PIGN: variants seen among roughly 807,000 people sequenced by gnomAD.
PIGN encodes the protein phosphatidylinositol glycan anchor biosynthesis class N.
Under a neutral mutation model 125.4 loss-of-function variants are expected in PIGN, and 117 were observed. That is an observed-to-expected ratio of 0.93 (90% CI 0.80 to 1.09). The LOEUF (loss-of-function observed/expected upper bound fraction) is 1.09. Among genes scored for constraint, PIGN ranks in the 50% least tolerant of loss-of-function variants. PIGN has a pLI of 0.00. For synonymous variants in PIGN, 392 were observed against 377.8 expected, an observed-to-expected ratio of 1.04 and a Z score of -0.44; for missense variants, 1,075 against 1,094.9, an observed-to-expected ratio of 0.98 and a Z score of 0.26.
intron 30 of PIGN, among the ~76,000 whole-genome samples, chr18:62,050,768 T>C (rs373929627): frequency 2.1e-4 from 32 of 151,962 alleles, no homozygotes; most frequent in African/African-American, 6.5e-4. Flanking sequence ...AGGGCATCCC[T>C]GTCTTGTGTC....
chr18:62,108,282 C>A (rs1214667293), intron 17 of PIGN, among the ~76,000 whole-genome samples: 1 of 152,038 alleles, frequency 6.6e-6, no homozygotes, highest in Non-Finnish European at 1.5e-5. Flanking sequence ...AGATAGGACA[C>A]AACATACTTT....
At chr18:62,023,808 T>G in intron 23 of PIGN, among the ~76,000 whole-genome samples, 1 of 152,216 alleles carries the variant, frequency 6.6e-6, no homozygotes, top group East Asian at 1.9e-4. Context: ...GACCAGTCAC[T>G]GATAGACTGA....
chr18:62,090,506 T>C lies in PIGN; in HGVS notation c.2253A>G (p.Leu751=), dbSNP rs748702038. 1.9e-6 allele frequency: 3 copies of C among 1,609,668 alleles called. No individual in the cohort carries two copies. Among genetic ancestry groups the C allele is most frequent in the Admixed American group, 3.4e-5 (2 of 59,550 alleles). Residue 751 remains leucine, a synonymous_variant, in exon 24 of 31, where the codon CTA becomes CTG. Transcript: ENST00000640252. Reference sequence around the variant, plus strand: ...GTTTACAGCAAACACCAGATTGTTGTAGAGTTTCTTGTTCTATGTTTATCC... The same window carrying C: ...GTTTACAGCAAACACCAGATTGTTGCAGAGTTTCTTGTTCTATGTTTATCC... ...FVWINIEQET[L]QQSGVCCKQK...
chr18:62,125,153 TAC>T (rs1298560566), intron 14 of PIGN, among the ~76,000 whole-genome samples: 1 of 113,726 alleles, frequency 8.8e-6, no homozygotes, highest in Admixed American at 8.6e-5. Context: ...TATGTGTATA[TAC>T]ATGTTTGTAC....
At chr18:62,083,187 G>A (rs533706690) in intron 27 of PIGN, among the ~76,000 whole-genome samples, 2 of 151,914 alleles carry the variant, frequency 1.3e-5, no homozygotes, top group South Asian at 4.1e-4. Flanking sequence ...ACATGATTCA[G>A]CTTCTTAATC....
At chr18:62,096,511 A>ATTTTTTT (rs2034196258) in intron 22 of PIGN, among the ~76,000 whole-genome samples, 1 of 44,044 alleles carries the variant, frequency 2.3e-5, no homozygotes, top group African/African-American at 1.2e-4. Context: ...AAAATGAATT[A>ATTTTTTT]TTTTCTTTTT....
At chr18:62,139,113 G>T in intron 12 of PIGN, 38 bp from the exon 13 acceptor site, 1 of 1,247,728 alleles carries the variant, frequency 8.0e-7, no homozygotes, top group South Asian at 1.3e-5. Context: ...ATAGTATTCA[G>T]ACAGCTCAGG....
intron 14 of PIGN, chr18:62,137,184 C>T (rs561142602): frequency 8.5e-5 from 34 of 399,024 alleles, no homozygotes; most frequent in African/African-American, 3.5e-4. Flanking sequence ...ATTTCTCCTG[C>T]GCTGGATGCT....
At chr18:62,142,908 G>A (rs1447665040) in intron 11 of PIGN, among the ~76,000 whole-genome samples, 1 of 151,998 alleles carries the variant, frequency 6.6e-6, no homozygotes, top group Non-Finnish European at 1.5e-5. Context: ...TAGAAGTAAA[G>A]GTAAAATATG....
chr18:62,056,029 C>A lies in PIGN; in HGVS notation c.2673-10050G>T, dbSNP rs144732265. Among the ~76,000 whole-genome samples, 636 of 121,238 alleles carry A rather than the reference C, an allele frequency of 5.2e-3. 5 individuals carry two copies. The highest frequency in any genetic ancestry group is 0.018 in the African/African-American group (601 of 32,588). The allele number at this position is 121,238 out of a possible 152,430, so 79.5% of individuals were successfully genotyped here. On this transcript the variant is annotated intron_variant, in intron 30 of 30. Transcript: ENST00000640252. ...TAATCTGAACTTATTTAAGTTGGTGCAAAAGTAATTGTGGTTTTTGCCACT... is the reference window on the plus strand; with the variant it reads ...TAATCTGAACTTATTTAAGTTGGTGAAAAAGTAATTGTGGTTTTTGCCACT...
intron 25 of PIGN, chr18:62,088,548 A>AAT (rs797007407): frequency 3.8e-4 from 115 of 301,560 alleles, no homozygotes; most frequent in South Asian, 2.1e-3. Context: ...GAATAGCAGG[A>AAT]ATATATATAT....
chr18:62,072,713 A>ATCCTT lies in PIGN; in HGVS notation c.2631_2632insAAGGA (p.Leu878LysfsTer21). The ATCCTT allele has an allele frequency of 6.3e-7, 1 of 1,591,878 alleles. No homozygotes were observed. The highest frequency in any genetic ancestry group is 8.5e-7 in the Non-Finnish European group (1 of 1,172,240). Reference sequence around the variant, plus strand: ...AGCCAGCTGCCATAATCCTTGACCAAGAAGAAAAAATGCTGTAAAAAAAAA... The same window carrying ATCCTT: ...AGCCAGCTGCCATAATCCTTGACCAATCCTTGAAGAAAAAATGCTGTAAAAAAAAA... On this transcript the variant is annotated frameshift_variant, in exon 30 of 31. Transcript: ENST00000640252. LOFTEE classifies it high-confidence loss of function.
In PIGN at chr18:62,041,640, G is replaced by GGGTGT. The variant is rs1355691128; in HGVS notation, c.*4215_*4216insACACC. ...ATTACAGGAGCCTACCACCCCGCCG[G>GGGTGT]GTGTGTGTGTGTGTGTGTGTGTGTG... On this transcript the variant is annotated 3_prime_UTR_variant, in exon 31 of 31. Coordinates refer to ENST00000640252, the MANE Select transcript of PIGN (RefSeq NM_176787.5). The GGGTGT allele has an allele frequency of 1.3e-5, 1 of 77,470 alleles. No individual in the cohort carries two copies. Among genetic ancestry groups the GGGTGT allele is most frequent in the Non-Finnish European group, 2.4e-5 (1 of 40,880 alleles). 4.8% of individuals were successfully genotyped at this position (77,470 alleles called of 1,614,324 possible). A position where few individuals can be genotyped will look rare whatever the true frequency, so the allele number is the denominator to read the frequency against.
intron 29 of PIGN, among the ~76,000 whole-genome samples, chr18:62,073,841 T>A (rs546466916): frequency 3.6e-4 from 55 of 152,312 alleles, no homozygotes; most frequent in African/African-American, 1.1e-3. Context: ...TGGGAGGCAA[T>A]TTCTGGGCCC....
intron 14 of PIGN, among the ~76,000 whole-genome samples, chr18:62,126,467 A>T (rs1271830068): frequency 6.6e-6 from 1 of 152,216 alleles, no homozygotes; most frequent in Non-Finnish European, 1.5e-5. Flanking sequence ...ATGATCAAGG[A>T]ACATAAAAAT....
chr18:62,033,050 G>C (rs965878809), intron 23 of PIGN, among the ~76,000 whole-genome samples: 16 of 152,344 alleles, frequency 1.1e-4, no homozygotes, highest in African/African-American at 3.6e-4. Context: ...ACCAAGGGAA[G>C]CTGGGCCACA....
rs971120417 is a variant in PIGN, at chr18:62,145,938, G to A, written c.893C>T (p.Ala298Val). ...CAAAAATGCATCATCAAATTGCTGA[G>A]CTGATACTCTTTGGGGATACTTGAT... ...AGIKYPQRVSAQQFDDAFLKE... is the reference protein window; with the variant it reads ...AGIKYPQRVSVQQFDDAFLKE... The change falls in exon 10 of 31, where the codon GCT becomes GTT. Residue 298 changes from alanine to valine, a missense_variant. Physicochemically the swap from Ala to Val is moderately conservative, Grantham distance 64 (BLOSUM62 0). Around this residue, in one of 3 missense-constraint regions of PIGN, gnomAD observed 915 missense variants for 908.7 expected, o/e 1.01. Coordinates refer to ENST00000640252, the MANE Select transcript of PIGN (RefSeq NM_176787.5). 1.3e-6 allele frequency: 2 copies of A among 1,599,890 alleles called. No homozygotes were observed. The highest frequency in any genetic ancestry group is 1.7e-5 in the Admixed American group (1 of 59,886).
At chr18:62,144,942 C>A (rs2036264297) in intron 10 of PIGN, among the ~76,000 whole-genome samples, 1 of 149,142 alleles carries the variant, frequency 6.7e-6, no homozygotes, top group Non-Finnish European at 1.5e-5. Flanking sequence ...CTGTGAACAG[C>A]TACTACATTC....
Position 62,041,424 on chromosome 18 carries a change from T to C in PIGN, c.*4432A>G, listed in dbSNP as rs553610107. 6.6e-6 allele frequency: 1 copy of C among 152,260 alleles called. No individual in the cohort carries two copies. Among genetic ancestry groups the C allele is most frequent in the East Asian group, 1.9e-4 (1 of 5,192 alleles). 9.4% of individuals were successfully genotyped at this position (152,260 alleles called of 1,614,324 possible). A position where few individuals can be genotyped will look rare whatever the true frequency, so the allele number is the denominator to read the frequency against. On this transcript the variant is annotated 3_prime_UTR_variant, in exon 31 of 31. Coordinates refer to ENST00000640252, the MANE Select transcript of PIGN (RefSeq NM_176787.5). ...GTATTCCAGTTCTCAGGGAAAAAAA[T>C]TCAATCAACATACAACACCCTATTT... is the stretch of plus-strand genomic sequence containing the variant.
Sources: allele counts gnomAD v4.1 joint callset (sites outside exome capture counted in the v4.1 genomes callset), GRCh38; gene constraint gnomAD v4.1.1; regional missense constraint gnomAD v4.1.1; transcripts MANE v1.5; gene names NCBI Gene and HGNC (gene_info 2026-07-23, HGNC 2026-07-21).